Variants in ANKS1B observed in about 807,000 individuals in gnomAD.
ANKS1B encodes ankyrin repeat and sterile alpha motif domain-containing protein 1B.
In ANKS1B, 36 loss-of-function variants were observed where a neutral mutation model predicts 148.3. The ratio of observed to expected loss-of-function variants is 0.24; its 90% CI spans 0.19 to 0.32. The LOEUF (loss-of-function observed/expected upper bound fraction) is 0.32. ANKS1B is among the 10% of genes least tolerant of loss of function. The probability of loss-of-function intolerance (pLI) is 1.00; values close to 1 mark genes in which losing one functional copy is unlikely to be tolerated. For synonymous variants in ANKS1B, 542 were observed against 560.8 expected (o/e 0.97, Z 0.47); for missense variants, 1,157 against 1,542.6 (o/e 0.75, Z 4.19).
At chr12:99,405,606 G>A (rs1456346936) in intron 11 of ANKS1B, among the ~76,000 whole-genome samples, 1 of 145,102 alleles carries the variant, frequency 6.9e-6, no homozygotes, top group Non-Finnish European at 1.5e-5. Context: ...CTAAAAGGAA[G>A]AGAGGGAGGA....
At chr12:99,234,354 A>G (rs2087460280) in intron 14 of ANKS1B, among the ~76,000 whole-genome samples, 1 of 152,106 alleles carries the variant, frequency 6.6e-6, no homozygotes, top group South Asian at 2.1e-4. Context: ...CTGGAATTTT[A>G]TGCTCTCTTT....
intron 11 of ANKS1B, among the ~76,000 whole-genome samples, chr12:99,418,702 G>A (rs1006333060): frequency 6.6e-6 from 1 of 152,186 alleles, no homozygotes; most frequent in Non-Finnish European, 1.5e-5. Flanking sequence ...GGTGAGCACA[G>A]TGGACATCCT....
chr12:99,281,242 T>G (rs1336470050), intron 12 of ANKS1B, among the ~76,000 whole-genome samples: 1 of 152,192 alleles, frequency 6.6e-6, no homozygotes, highest in African/African-American at 2.4e-5. Flanking sequence ...GTTTATGTAT[T>G]ATGGCAGCTA....
At chr12:99,474,739 T>G (rs1052072743) in intron 10 of ANKS1B, among the ~76,000 whole-genome samples, 2 of 152,136 alleles carry the variant, frequency 1.3e-5, no homozygotes, top group Admixed American at 6.6e-5. Flanking sequence ...GGTATCATTC[T>G]AGGAGTAAAA....
chr12:99,441,352 T>C (rs1189716320), intron 11 of ANKS1B, among the ~76,000 whole-genome samples: 5 of 151,828 alleles, frequency 3.3e-5, no homozygotes, highest in Non-Finnish European at 7.4e-5. Context: ...TCTATGCACA[T>C]CCTCTAGTCT....
chr12:99,981,121 G>T (rs892706681), intron 1 of ANKS1B, among the ~76,000 whole-genome samples: 2 of 151,998 alleles, frequency 1.3e-5, no homozygotes, highest in Non-Finnish European at 2.9e-5. Context: ...AAGTGCTTTA[G>T]AGGTGCATGA....
chr12:99,487,977 T>C (rs893517369), intron 10 of ANKS1B, among the ~76,000 whole-genome samples: 19 of 152,184 alleles, frequency 1.2e-4, no homozygotes, highest in African/African-American at 4.6e-4. Flanking sequence ...TTTTGGCTTT[T>C]AATGTTTCAA....
chr12:99,327,339 A>G (rs1230685689), intron 12 of ANKS1B, among the ~76,000 whole-genome samples: 12 of 127,788 alleles, frequency 9.4e-5, no homozygotes, highest in Admixed American at 1.9e-4. Context: ...ATATAATTAT[A>G]TATTATAATT....
intron 1 of ANKS1B, among the ~76,000 whole-genome samples, chr12:99,932,554 T>C (rs1200588807): frequency 6.6e-6 from 1 of 152,224 alleles, no homozygotes; most frequent in African/African-American, 2.4e-5. Context: ...CATATGCCTG[T>C]CTGCCATTTG....
chr12:99,111,132 C>T (rs1266754244), intron 15 of ANKS1B, among the ~76,000 whole-genome samples: 1 of 152,156 alleles, frequency 6.6e-6, no homozygotes, highest in African/African-American at 2.4e-5. Context: ...CAGAACTCAG[C>T]AAATTTTTAC....
intron 1 of ANKS1B, among the ~76,000 whole-genome samples, chr12:99,932,689 T>C (rs1045810275): frequency 2.6e-5 from 4 of 152,328 alleles, no homozygotes. Context: ...CCTTGTCAGA[T>C]GGATAGTTTG....
At chr12:99,134,820 T>C (rs2067458380) in intron 15 of ANKS1B, among the ~76,000 whole-genome samples, 4 of 152,120 alleles carry the variant, frequency 2.6e-5, no homozygotes, top group Admixed American at 2.0e-4. Context: ...TGGGACACCC[T>C]GATCATTATA....
chr12:99,232,576 C>A (rs1204757247), intron 14 of ANKS1B, among the ~76,000 whole-genome samples: 2 of 152,182 alleles, frequency 1.3e-5, no homozygotes, highest in African/African-American at 2.4e-5. Context: ...TCCTCCATCC[C>A]ATCAAGAAGA....
intron 17 of ANKS1B, among the ~76,000 whole-genome samples, chr12:98,985,179 C>A (rs182511481): frequency 6.6e-6 from 1 of 152,102 alleles, no homozygotes; most frequent in Non-Finnish European, 1.5e-5. Context: ...GTGGTGACAT[C>A]GTGGCTCACT....
intron 15 of ANKS1B, among the ~76,000 whole-genome samples, chr12:99,086,657 A>G (rs1717644692): frequency 6.6e-6 from 1 of 152,202 alleles, no homozygotes; most frequent in Admixed American, 6.5e-5. Context: ...GTTATTTTAA[A>G]CCTGTGATTA....
intron 26 of ANKS1B, among the ~76,000 whole-genome samples, chr12:98,747,674 A>C (rs2097927510): frequency 1.3e-5 from 2 of 152,376 alleles, no homozygotes; most frequent in South Asian, 4.1e-4. Flanking sequence ...TTGCAGAATT[A>C]TTCACAGCAG....
chr12:98,919,509 T>C (rs1019268799), intron 17 of ANKS1B, among the ~76,000 whole-genome samples: 11 of 152,188 alleles, frequency 7.2e-5, no homozygotes, highest in Admixed American at 4.6e-4. Context: ...ACCTAAACTC[T>C]TACAAGGAAT....
At chr12:99,188,765 C>T (rs1601533340) in intron 14 of ANKS1B, among the ~76,000 whole-genome samples, 1 of 152,072 alleles carries the variant, frequency 6.6e-6, no homozygotes, top group African/African-American at 2.4e-5. Flanking sequence ...AATCAATACC[C>T]TAACATCACA....
intron 10 of ANKS1B, among the ~76,000 whole-genome samples, chr12:99,466,086 G>A (rs1309178802): frequency 2.6e-5 from 4 of 152,042 alleles, no homozygotes; most frequent in African/African-American, 7.2e-5. Context: ...ATAACAAACT[G>A]TCTCTCAGAC....
Sources: allele counts gnomAD v4.1 joint callset (sites outside exome capture counted in the v4.1 genomes callset), GRCh38; gene constraint gnomAD v4.1.1; transcripts MANE v1.5; gene names NCBI Gene and HGNC (gene_info 2026-07-23, HGNC 2026-07-21).